Variants in CUX2 observed in about 807,000 individuals in gnomAD.
CUX2 encodes the protein homeobox protein cut-like 2.
CUX2 carries 40 observed loss-of-function variants against 144.8 expected under a neutral mutation model. The ratio of observed to expected loss-of-function variants is 0.28; its 90% confidence interval spans 0.21 to 0.36. The LOEUF is 0.36. CUX2 is among the 10% of genes least tolerant of loss of function. CUX2 has a pLI of 1.00. For missense variants in CUX2, 1,615 were observed against 1,994.0 expected, an observed-to-expected ratio of 0.81 and a Z score of 3.62; for synonymous variants, 827 against 875.6, an observed-to-expected ratio of 0.94 and a Z score of 0.98.
intron 1 of CUX2, among the ~76,000 whole-genome samples, chr12:111,177,191 G>A (rs939258133): frequency 1.3e-5 from 2 of 151,990 alleles, no homozygotes; most frequent in Non-Finnish European, 2.9e-5. Flanking sequence ...AATGTTTTCC[G>A]TGCCTACTTG....
chr12:111,298,166 G>A (rs1016238522), intron 8 of CUX2, among the ~76,000 whole-genome samples: 6 of 152,192 alleles, frequency 3.9e-5, no homozygotes, highest in Admixed American at 1.3e-4. Context: ...GCTGGGCAGC[G>A]CAGTAAACAA....
At chr12:111,250,230 A>G (rs990386974) in intron 3 of CUX2, among the ~76,000 whole-genome samples, 4 of 152,264 alleles carry the variant, frequency 2.6e-5, no homozygotes, top group African/African-American at 9.6e-5. Flanking sequence ...ATTACCCAAA[A>G]TGGAAGCCAC....
At position 111,212,558 on chromosome 12, in the gene CUX2, G is replaced by A. The variant is rs974852181; in HGVS notation, c.64-1642G>A. Among the ~76,000 whole-genome samples, 26 of 152,084 alleles carry A rather than the reference G, an allele frequency of 1.7e-4. 1 individual carries two copies. Among genetic ancestry groups the A allele is most frequent in the South Asian group, 2.1e-4 (1 of 4,826 alleles). On this transcript the variant is annotated intron_variant, in intron 1 of 21. Transcript: ENST00000261726. ...TAATTGTTCTATTTTTTGTAGAGAG[G>A]AGGCCTCACTATGTTGCCCAGGCTG...
intron 1 of CUX2, among the ~76,000 whole-genome samples, chr12:111,062,355 C>G (rs1262563407): frequency 2.6e-5 from 4 of 152,190 alleles, no homozygotes; most frequent in African/African-American, 4.8e-5. Context: ...AAATATTTAT[C>G]CGGGGCTTGT....
intron 10 of CUX2, among the ~76,000 whole-genome samples, chr12:111,305,854 TGTGA>T (rs1754282408): frequency 6.6e-6 from 1 of 152,174 alleles, no homozygotes; most frequent in Non-Finnish European, 1.5e-5. Flanking sequence ...GATGTGTCCT[TGTGA>T]GTGTCTCTCT....
Position 111,171,995 on chromosome 12 carries a change from CTGTG to C in CUX2, c.64-42200_64-42197del, listed in dbSNP as rs757772004. The stretch of plus-strand genomic sequence containing the variant: ...TGCACCTGTGTGTGTGTGCATGTGC[CTGTG>C]TGTGCGCATGTGTGTGCATATGCCT... On this transcript the variant is annotated intron_variant, in intron 1 of 21. Coordinates refer to ENST00000261726, the MANE Select transcript of CUX2 (RefSeq NM_015267.4). The surrounding 1 kb of genome is among the most constrained non-coding windows in gnomAD (Gnocchi z 5.0). Among the ~76,000 whole-genome samples the C allele has an allele frequency of 2.0e-5, 3 of 146,816 alleles. No homozygotes were observed. The highest frequency in any genetic ancestry group is 4.4e-5 in the Non-Finnish European group (3 of 67,824).
intron 19 of CUX2, 135 bp downstream of exon 19, chr12:111,334,845 G>T: frequency 1.0e-6 from 1 of 980,386 alleles, no homozygotes; most frequent in African/African-American, 1.6e-5. Context: ...AGGGAGGGAG[G>T]ATCGCTTGAG....
At chr12:111,123,326 G>A (rs1043756325) in intron 1 of CUX2, among the ~76,000 whole-genome samples, 3 of 152,124 alleles carry the variant, frequency 2.0e-5, no homozygotes, top group African/African-American at 7.2e-5. Flanking sequence ...GGGATTACAG[G>A]TGCACACCAC....
intron 18 of CUX2, among the ~76,000 whole-genome samples, chr12:111,323,317 G>GCCA (rs1309156017): frequency 6.6e-6 from 1 of 152,206 alleles, no homozygotes; most frequent in Non-Finnish European, 1.5e-5. Flanking sequence ...CCATATCTCA[G>GCCA]GTTCACAGAA....
intron 18 of CUX2, among the ~76,000 whole-genome samples, chr12:111,332,769 A>G (rs1241132121): frequency 6.6e-6 from 1 of 152,200 alleles, no homozygotes; most frequent in Non-Finnish European, 1.5e-5. Context: ...TTGTCCCTTT[A>G]GCCCTAAATG....
chr12:111,075,433 C>T (rs1218834286), intron 1 of CUX2, among the ~76,000 whole-genome samples: 1 of 152,084 alleles, frequency 6.6e-6, no homozygotes, highest in Admixed American at 6.5e-5. Context: ...TCTCTCTGGT[C>T]TCCTGGATGT....
chr12:111,229,480 A>G (rs1882351475), intron 3 of CUX2, among the ~76,000 whole-genome samples: 1 of 152,182 alleles, frequency 6.6e-6, no homozygotes, highest in South Asian at 2.1e-4. Flanking sequence ...CAGCCAGGAG[A>G]AAGATGGGCC....
Position 111,348,796 on chromosome 12 carries a change from T to C in CUX2, c.*471T>C, listed in dbSNP as rs1483581243. 1 of 156,698 alleles carries C rather than the reference T, an allele frequency of 6.4e-6. No individual in the cohort carries two copies. The highest frequency in any genetic ancestry group is 6.3e-5 in the Admixed American group (1 of 15,952). The allele number at this position is 156,698 out of a possible 1,614,324, so 9.7% of individuals were successfully genotyped here. On this transcript the variant is annotated 3_prime_UTR_variant, in exon 22 of 22. Transcript: ENST00000261726. ...GTGTCGTTTTTGCCACTAGATGAGA[T>C]TAAAAGAAGACAATTATTCAAAGCC...
intron 3 of CUX2, among the ~76,000 whole-genome samples, chr12:111,220,368 G>T (rs1881780362): frequency 6.6e-6 from 1 of 152,114 alleles, no homozygotes; most frequent in Admixed American, 6.5e-5. Context: ...TCAAAGATGG[G>T]TTTCAGGGTT....
chr12:111,269,971 T>C (rs1246142700), intron 4 of CUX2, among the ~76,000 whole-genome samples: 1 of 152,182 alleles, frequency 6.6e-6, no homozygotes, highest in Admixed American at 6.5e-5. Context: ...GAACAGCCCC[T>C]TTAGGGCCTC....
chr12:111,147,659 T>C (rs929095288), intron 1 of CUX2, among the ~76,000 whole-genome samples: 1 of 152,060 alleles, frequency 6.6e-6, no homozygotes, highest in African/African-American at 2.4e-5. Flanking sequence ...GGAGACAGGA[T>C]GAAGATGGAT....
At chr12:111,259,685 G>T (rs1378842151) in intron 3 of CUX2, among the ~76,000 whole-genome samples, 1 of 150,612 alleles carries the variant, frequency 6.6e-6, no homozygotes, top group East Asian at 2.0e-4. Context: ...GCAATATGTT[G>T]AAACCCCGTC....
chr12:111,311,605 T>TA (rs202038878), intron 15 of CUX2, among the ~76,000 whole-genome samples: 2,095 of 143,722 alleles, frequency 0.015, 87 homozygotes, highest in African/African-American at 0.053. Flanking sequence ...TTATTATTAT[T>TA]TTTTTTTTTT....
chr12:111,248,959 G>A (rs1883415988), intron 3 of CUX2, among the ~76,000 whole-genome samples: 1 of 152,220 alleles, frequency 6.6e-6, no homozygotes, highest in Non-Finnish European at 1.5e-5. Flanking sequence ...ATAACTTGAT[G>A]AATTTTGACA....
Sources: allele counts gnomAD v4.1 joint callset (sites outside exome capture counted in the v4.1 genomes callset), GRCh38; gene constraint gnomAD v4.1.1; non-coding constraint Gnocchi (gnomAD v3.1); transcripts MANE v1.5; gene names NCBI Gene and HGNC (gene_info 2026-07-23, HGNC 2026-07-21).